CHN2: variants seen among roughly 807,000 people sequenced by gnomAD.
The protein encoded by CHN2 is chimerin 2, also known as beta-chimaerin.
Under a neutral mutation model 56.3 loss-of-function variants are expected in CHN2, and 35 were observed. The ratio of observed to expected loss-of-function variants is 0.62; its 90% CI spans 0.47 to 0.82. The LOEUF is 0.82. Ranked by LOEUF, CHN2 falls within the 40% of genes least tolerant of loss-of-function variation. The pLI is 0.00. For missense variants in CHN2, 491 were observed against 580.5 expected (o/e 0.85, Z 1.58); for synonymous variants, 210 against 212.8 (o/e 0.99, Z 0.12).
chr7:29,386,178 T>C (rs892659145), intron 3 of CHN2, among the ~76,000 whole-genome samples: 28 of 152,250 alleles, frequency 1.8e-4, no homozygotes, highest in Admixed American at 1.7e-3. Flanking sequence ...TTTCATTCTA[T>C]GCTCTGCACT....
chr7:29,432,165 G>A (rs560369028), intron 6 of CHN2, among the ~76,000 whole-genome samples: 23 of 152,204 alleles, frequency 1.5e-4, no homozygotes, highest in East Asian at 3.9e-4. Context: ...GTTGTGAACC[G>A]GTTTTCCCTG....
At chr7:29,190,259 G>A (rs777285985), upstream of CHN2, among the ~76,000 whole-genome samples, 4 of 152,232 alleles carry the variant, frequency 2.6e-5, no homozygotes, top group Non-Finnish European at 5.9e-5. Flanking sequence ...TCAGGGTACG[G>A]TAGAGTACTT....
chr7:29,496,902 A>G (rs545145953), intron 8 of CHN2, among the ~76,000 whole-genome samples: 1 of 152,310 alleles, frequency 6.6e-6, no homozygotes, highest in South Asian at 2.1e-4. Flanking sequence ...TTCTACCAAC[A>G]CCCTGACTGA....
intron 1 of CHN2, among the ~76,000 whole-genome samples, chr7:29,219,617 A>G (rs1312811474): frequency 6.6e-6 from 1 of 152,206 alleles, no homozygotes; most frequent in Non-Finnish European, 1.5e-5. Context: ...TACTAAGTTT[A>G]AAATTTAAGA....
chr7:29,255,461 C>T (rs1584882821), intron 1 of CHN2, among the ~76,000 whole-genome samples: 4 of 152,260 alleles, frequency 2.6e-5, no homozygotes, highest in Non-Finnish European at 1.5e-5. Flanking sequence ...TTTGTTAGAA[C>T]CTTCCAGCCA....
At chr7:29,193,341 G>C (rs995032864), upstream of CHN2, 3 of 152,148 alleles carry the variant, frequency 2.0e-5, no homozygotes, top group Non-Finnish European at 4.4e-5. Flanking sequence ...TTCACTGTAT[G>C]TTAGGTCCTT....
chr7:29,279,309 G>A (rs948572626), intron 1 of CHN2, among the ~76,000 whole-genome samples: 6 of 152,148 alleles, frequency 3.9e-5, no homozygotes, highest in Non-Finnish European at 8.8e-5. Context: ...TCCCTCACGC[G>A]GCAGCTGTCC....
Position 29,413,139 on chromosome 7 carries a change from G to A in CHN2, c.576+12311G>A, listed in dbSNP as rs369931092. Among the ~76,000 whole-genome samples, 11 of 152,150 alleles carry A rather than the reference G, an allele frequency of 7.2e-5. No homozygotes were observed. In the East Asian group the frequency reaches 1.7e-3, roughly 24 times the overall value. On this transcript the variant is annotated intron_variant, in intron 6 of 12. Coordinates refer to ENST00000222792, the MANE Select transcript of CHN2 (RefSeq NM_004067.4). ...CTCTCTCCTTATACACAATCACTTTGAAGTTCCCGCAAAGTTAATATTTCA... is the reference window on the plus strand; with the variant it reads ...CTCTCTCCTTATACACAATCACTTTAAAGTTCCCGCAAAGTTAATATTTCA...
At chr7:29,203,467 C>CAAAA (rs11287820) in intron 1 of CHN2, among the ~76,000 whole-genome samples, 15 of 55,568 alleles carry the variant, frequency 2.7e-4, no homozygotes, top group South Asian at 7.4e-4. Flanking sequence ...AACTCCGTCT[C>CAAAA]AAAAAAAAAA....
intron 6 of CHN2, among the ~76,000 whole-genome samples, chr7:29,478,126 G>A (rs1786758990): frequency 6.6e-6 from 1 of 152,144 alleles, no homozygotes; most frequent in African/African-American, 2.4e-5. Context: ...GGGGAGTCTG[G>A]GGAAGTCCTT....
At chr7:29,486,394 G>C (rs572322935) in intron 7 of CHN2, among the ~76,000 whole-genome samples, 1 of 152,162 alleles carries the variant, frequency 6.6e-6, no homozygotes, top group East Asian at 1.9e-4. Flanking sequence ...GTCCTTCCAC[G>C]GAGTGGGCCC....
At chr7:29,209,077 T>C (rs1018975221) in intron 1 of CHN2, 3 of 141,600 alleles carry the variant, frequency 2.1e-5, no homozygotes, top group African/African-American at 7.8e-5. Context: ...CTTTGTCATA[T>C]GCTTAGGTGT....
chr7:29,353,710 C>T lies in CHN2; in HGVS notation c.50-915C>T, dbSNP rs552794842. 6.6e-5 allele frequency among the ~76,000 whole-genome samples: 10 copies of T among 152,268 alleles called. No individual in the cohort carries two copies. In the East Asian group the frequency reaches 1.7e-3, roughly 26 times the overall value. On this transcript the variant is annotated intron_variant, in intron 1 of 12. Coordinates refer to ENST00000222792, the MANE Select transcript of CHN2 (RefSeq NM_004067.4). Reference sequence around the variant, plus strand: ...TAGTCTAAGGGCAGGCTTTGTGGTGCACCAGCGGTAGAGGATGATGAGAAC... The same window carrying T: ...TAGTCTAAGGGCAGGCTTTGTGGTGTACCAGCGGTAGAGGATGATGAGAAC...
chr7:29,447,640 C>T (rs548991782), intron 6 of CHN2, among the ~76,000 whole-genome samples: 4 of 152,114 alleles, frequency 2.6e-5, no homozygotes, highest in Non-Finnish European at 2.9e-5. Flanking sequence ...TAATCAGGTA[C>T]CTCAAAACCA....
chr7:29,368,034 TG>T (rs772041746), intron 3 of CHN2, 47 bp downstream of exon 3: 1 of 1,525,798 alleles, frequency 6.6e-7, no homozygotes, highest in Non-Finnish European at 9.0e-7. Context: ...TATGATGAAT[TG>T]TCAGCACTAT....
At chr7:29,212,253 T>G in intron 1 of CHN2, 1 of 886,310 alleles carries the variant, frequency 1.1e-6, no homozygotes, top group Non-Finnish European at 1.8e-6. Flanking sequence ...CTTAACCTTT[T>G]TTCCAGTCCA....
intron 2 of CHN2, among the ~76,000 whole-genome samples, chr7:29,153,283 T>A (rs533698610): frequency 6.6e-6 from 1 of 152,200 alleles, no homozygotes. Flanking sequence ...TGGAAATAAA[T>A]AAACATCTGT....
intron 2 of CHN2, among the ~76,000 whole-genome samples, chr7:29,157,998 G>A (rs188030388): frequency 7.9e-4 from 121 of 152,236 alleles, no homozygotes; most frequent in African/African-American, 2.6e-3. Flanking sequence ...AAAGAGAAAC[G>A]GAAGGAAGTG....
chr7:29,239,032 T>A (rs541392326), intron 1 of CHN2, among the ~76,000 whole-genome samples: 1 of 152,320 alleles, frequency 6.6e-6, no homozygotes, highest in East Asian at 1.9e-4. Context: ...GAACTGGCAA[T>A]GATGTGACCT....
Sources: gnomAD v4.1 joint callset for allele counts (sites outside exome capture counted in the v4.1 genomes callset) on GRCh38, gnomAD v4.1.1 for gene constraint, MANE v1.5 for transcripts, NCBI Gene and HGNC (gene_info 2026-07-23, HGNC 2026-07-21) for gene names.